Variants in ASTN2 observed in about 807,000 individuals in gnomAD.
The protein encoded by ASTN2 is astrotactin 2, also known as astrotactin-2.
A neutral mutation model predicts 139.8 loss-of-function variants in ASTN2; 54 were observed. That is an observed-to-expected ratio of 0.39 (90% confidence interval 0.31 to 0.48). The LOEUF (loss-of-function observed/expected upper bound fraction) is 0.48, where lower values mean the gene tolerates loss of function less well. Ranked by LOEUF, ASTN2 falls within the 20% of genes least tolerant of loss-of-function variation. The pLI, the probability that ASTN2 is intolerant of heterozygous loss-of-function variation, is 0.95. For synonymous variants in ASTN2, 756 were observed against 719.5 expected, an observed-to-expected ratio of 1.05 and a Z score of -0.81; for missense variants, 1,565 against 1,725.1, an observed-to-expected ratio of 0.91 and a Z score of 1.64.
intron 13 of ASTN2, among the ~76,000 whole-genome samples, chr9:116,760,001 A>G (rs2132166709): frequency 6.6e-6 from 1 of 152,370 alleles, no homozygotes; most frequent in South Asian, 2.1e-4. Flanking sequence ...TTTATCAGTC[A>G]GAAAAGATAC....
intron 2 of ASTN2, among the ~76,000 whole-genome samples, chr9:117,238,505 T>C (rs1236738797): frequency 6.6e-6 from 1 of 152,222 alleles, no homozygotes; most frequent in Non-Finnish European, 1.5e-5. Flanking sequence ...ATGTGTATAC[T>C]GATAAATCCA....
At chr9:116,649,275 C>CA (rs1857771197) in intron 17 of ASTN2, among the ~76,000 whole-genome samples, 1 of 151,162 alleles carries the variant, frequency 6.6e-6, no homozygotes, top group African/African-American at 2.4e-5. Flanking sequence ...GGTGTTGTGC[C>CA]ATATAAAATC....
At chr9:116,860,240 C>G (rs559110312) in intron 11 of ASTN2, among the ~76,000 whole-genome samples, 11 of 152,228 alleles carry the variant, frequency 7.2e-5, no homozygotes, top group African/African-American at 2.4e-4. Context: ...TAAGTTTCCA[C>G]TAACAATGGA....
chr9:116,623,094 A>G (rs1856248037), intron 17 of ASTN2, among the ~76,000 whole-genome samples: 1 of 152,072 alleles, frequency 6.6e-6, no homozygotes, highest in African/African-American at 2.4e-5. Flanking sequence ...TGAAAGTGAC[A>G]CAGATGGGAA....
At chr9:116,574,771 T>G (rs530593159) in intron 19 of ASTN2, among the ~76,000 whole-genome samples, 100 of 152,348 alleles carry the variant, frequency 6.6e-4, no homozygotes, top group African/African-American at 2.4e-3. Flanking sequence ...AGTCCCAGTT[T>G]CATCAGATGT....
rs561785886 is a variant in ASTN2, at chr9:116,944,579, G to A, written c.1889+30629C>T. On this transcript the variant is annotated intron_variant, in intron 10 of 22. Transcript: ENST00000313400. ...TGCCTGTAATCCCAGCTACTTGGGA[G>A]GCTGAGGCAGGAGAATTTCTTGAAC... Among the ~76,000 whole-genome samples the A allele has an allele frequency of 2.0e-5, 3 of 151,752 alleles. No individual in the cohort carries two copies. In the East Asian group the frequency reaches 5.8e-4, roughly 30 times the overall value.
intron 1 of ASTN2, among the ~76,000 whole-genome samples, chr9:117,407,443 A>G (rs1464578633): frequency 6.6e-6 from 1 of 152,180 alleles, no homozygotes; most frequent in African/African-American, 2.4e-5. Context: ...AGTAGAGAGA[A>G]GTGTTGAGGC....
chr9:117,225,535 G>GTGTA (rs372269409), intron 2 of ASTN2, among the ~76,000 whole-genome samples: 3 of 63,962 alleles, frequency 4.7e-5, no homozygotes, highest in African/African-American at 1.3e-4. Context: ...CAAGCTGTAT[G>GTGTA]TATATATATA....
chr9:116,912,731 G>T (rs1834348989), intron 10 of ASTN2, among the ~76,000 whole-genome samples: 2 of 152,192 alleles, frequency 1.3e-5, no homozygotes, highest in Non-Finnish European at 1.5e-5. Context: ...GTTTTGCTTT[G>T]CATGGGTATG....
chr9:117,272,242 C>T (rs923557046), intron 2 of ASTN2, among the ~76,000 whole-genome samples: 17 of 152,362 alleles, frequency 1.1e-4, no homozygotes, highest in African/African-American at 4.1e-4. Context: ...TCTAAAGCCA[C>T]AGGCTGAGCT....
intron 19 of ASTN2, among the ~76,000 whole-genome samples, chr9:116,614,081 A>G (rs1417781850): frequency 6.6e-6 from 1 of 151,926 alleles, no homozygotes; most frequent in Non-Finnish European, 1.5e-5. Flanking sequence ...ATACACCAAT[A>G]ACAGACAGAG....
At chr9:116,863,511 C>T in intron 11 of ASTN2, 72 bp downstream of exon 11, 1 of 1,560,068 alleles carries the variant, frequency 6.4e-7, no homozygotes, top group Non-Finnish European at 8.7e-7. Flanking sequence ...CGTTCCCTCG[C>T]AGGGCAGGGC....
rs769445297 is a variant in ASTN2, at chr9:116,425,964, C to A, written c.3907G>T (p.Val1303Phe). 1.9e-6 allele frequency: 3 copies of A among 1,614,156 alleles called. No homozygotes were observed. Among genetic ancestry groups the A allele is most frequent in the Non-Finnish European group, 1.7e-6 (2 of 1,180,032 alleles). ...VPYLFCRSEE[V>F]RPAGMVWYSI... ...TACCACACCATGCCTGCAGGCCGGACCTCCTCGCTGCGGCAGAAAAGATAG... is the reference window on the plus strand; with the variant it reads ...TACCACACCATGCCTGCAGGCCGGAACTCCTCGCTGCGGCAGAAAAGATAG... The change falls in exon 23 of 23, where the codon GTC becomes TTC. Residue 1303 changes from valine (V) to phenylalanine (F), a missense_variant. Coordinates refer to ENST00000313400, the MANE Select transcript of ASTN2 (RefSeq NM_001365068.1).
chr9:116,778,798 C>G (rs1830147796), intron 13 of ASTN2, among the ~76,000 whole-genome samples: 1 of 152,106 alleles, frequency 6.6e-6, no homozygotes, highest in South Asian at 2.1e-4. Flanking sequence ...TATATATATG[C>G]AATTTATCGC....
intron 16 of ASTN2, among the ~76,000 whole-genome samples, chr9:116,668,926 A>G (rs1349155374): frequency 6.6e-6 from 1 of 152,178 alleles, no homozygotes; most frequent in African/African-American, 2.4e-5. Flanking sequence ...CTCAGGCACC[A>G]GACCAGATTG....
intron 16 of ASTN2, chr9:116,701,118 A>ATATC (rs886063387): frequency 3.0e-5 from 5 of 167,098 alleles, no homozygotes; most frequent in Admixed American, 2.6e-4. Context: ...ACTAAGTAAT[A>ATATC]TATCTTACTC....
At chr9:117,011,157 TACCAGTA>T (rs770608435) in intron 6 of ASTN2, among the ~76,000 whole-genome samples, 2 of 152,206 alleles carry the variant, frequency 1.3e-5, no homozygotes, top group African/African-American at 2.4e-5. Context: ...CTAAATGCAA[TACCAGTA>T]AACAGATTTC....
At chr9:116,531,559 C>G (rs1000493904) in intron 19 of ASTN2, among the ~76,000 whole-genome samples, 1 of 143,208 alleles carries the variant, frequency 7.0e-6, no homozygotes, top group African/African-American at 2.6e-5. Flanking sequence ...TATTCCCCTT[C>G]CTGTGTCCAA....
Position 116,535,565 on chromosome 9 carries a change from C to T in ASTN2, c.3356-48065G>A, listed in dbSNP as rs1053696745. ...GGGCAGGCCTGGTGGTGACAAAATCCCTTAGCATTTGCTTGTCTATAAAGG... is the reference window on the plus strand; with the variant it reads ...GGGCAGGCCTGGTGGTGACAAAATCTCTTAGCATTTGCTTGTCTATAAAGG... On this transcript the variant is annotated intron_variant, in intron 19 of 22. Coordinates refer to ENST00000313400, the MANE Select transcript of ASTN2 (RefSeq NM_001365068.1). Among the ~76,000 whole-genome samples, 7 of 152,046 alleles carry T rather than the reference C, an allele frequency of 4.6e-5. No individual in the cohort carries two copies. The South Asian group carries it at 1.2e-3, about 27-fold the overall frequency.
Sources: allele counts gnomAD v4.1 joint callset (sites outside exome capture counted in the v4.1 genomes callset), GRCh38; gene constraint gnomAD v4.1.1; transcripts MANE v1.5; gene names NCBI Gene and HGNC (gene_info 2026-07-23, HGNC 2026-07-21).